GAS2: variants seen among roughly 807,000 people sequenced by gnomAD.
GAS2 encodes the protein growth arrest specific 2, also known as growth arrest-specific protein 2.
GAS2 carries 20 observed loss-of-function variants against 37.5 expected under a neutral mutation model. That is an observed-to-expected ratio of 0.53 (90% confidence interval 0.37 to 0.77). GAS2 has a LOEUF of 0.77. Among genes scored for constraint, GAS2 ranks in the 30% least tolerant of loss-of-function variants. The pLI is 0.00. For synonymous variants in GAS2, 144 were observed against 132.2 expected, an observed-to-expected ratio of 1.09 and a Z score of -0.61; for missense variants, 336 against 373.4, an observed-to-expected ratio of 0.90 and a Z score of 0.82.
chr11:22,686,846 A>T (rs1849985526), intron 3 of GAS2, among the ~76,000 whole-genome samples: 1 of 152,154 alleles, frequency 6.6e-6, no homozygotes, highest in Non-Finnish European at 1.5e-5. Flanking sequence ...AAAGGGGTGT[A>T]TGTGTGTATT....
chr11:22,646,780 C>G (rs945772269), intron 1 of GAS2, among the ~76,000 whole-genome samples: 1 of 152,116 alleles, frequency 6.6e-6, no homozygotes, highest in Admixed American at 6.5e-5. Context: ...GTGGTATTGA[C>G]ACACAGCTTG....
chr11:22,753,385 G>A (rs116266024), intron 6 of GAS2, among the ~76,000 whole-genome samples: 2,104 of 152,214 alleles, frequency 0.014, 56 homozygotes, highest in African/African-American at 0.048. Flanking sequence ...AAAGGCATTT[G>A]AGAAGGGCAG....
intron 7 of GAS2, among the ~76,000 whole-genome samples, chr11:22,781,274 T>TG (rs35511637): frequency 5.3e-5 from 8 of 152,100 alleles, no homozygotes; most frequent in African/African-American, 1.4e-4. Context: ...GAGGTGGGGA[T>TG]GGGGGGTCTC....
rs192514842 is a variant in GAS2 at position 22,733,911 on chromosome 11, C to A, written c.410-3794C>A. ...GCTACAGCAATCCTCTCTTCTACCC[C>A]AACTCAAAGCAAAAGACCTTGTTAA... On this transcript the variant is annotated intron_variant, in intron 4 of 7. Transcript: ENST00000454584. Among the ~76,000 whole-genome samples, 4 of 151,810 alleles carry A rather than the reference C, an allele frequency of 2.6e-5. No homozygotes were observed. The East Asian group carries it at 7.7e-4, about 29-fold the overall frequency.
rs570545537 is a variant in GAS2 at position 22,632,846 on chromosome 11, GT to G, written c.-21+7035del. Among the ~76,000 whole-genome samples the G allele has an allele frequency of 3.3e-5, 5 of 150,720 alleles. No individual in the cohort carries two copies. The South Asian group carries it at 1.0e-3, about 32-fold the overall frequency. ...TTTATTCCACATGGTCTAGTCTAAT[GT>G]TAAAACTTTTCCCTGCATTTCGTAA... On this transcript the variant is annotated intron_variant, in intron 1 of 5. Coordinates refer to the GAS2 transcript ENST00000528582.
At chr11:22,636,841 TAA>T (rs1858828600) in intron 1 of GAS2, among the ~76,000 whole-genome samples, 1 of 148,502 alleles carries the variant, frequency 6.7e-6, no homozygotes, top group African/African-American at 2.5e-5. Context: ...ATATGTCTAG[TAA>T]GTATATACAA....
chr11:22,797,573 T>C (rs1439736276), intron 7 of GAS2, among the ~76,000 whole-genome samples: 5 of 152,112 alleles, frequency 3.3e-5, no homozygotes, highest in African/African-American at 1.2e-4. Flanking sequence ...CAACTGGGCA[T>C]CAGAAGACTA....
chr11:22,693,932 T>C (rs1308540490), intron 3 of GAS2, among the ~76,000 whole-genome samples: 2 of 152,188 alleles, frequency 1.3e-5, no homozygotes, highest in African/African-American at 4.8e-5. Flanking sequence ...AAATACTGCA[T>C]GTTCTCACTT....
At chr11:22,695,791 A>G (rs1029513579) in intron 3 of GAS2, among the ~76,000 whole-genome samples, 3 of 152,198 alleles carry the variant, frequency 2.0e-5, no homozygotes, top group Non-Finnish European at 4.4e-5. Context: ...AAAAATTTCA[A>G]AATTTGTAAT....
intron 4 of GAS2, among the ~76,000 whole-genome samples, chr11:22,729,135 T>C (rs933538927): frequency 6.6e-6 from 1 of 151,748 alleles, no homozygotes; most frequent in African/African-American, 2.4e-5. Context: ...GAAAAGATGC[T>C]CTGATGAACG....
At chr11:22,636,644 T>C (rs1266648012) in intron 1 of GAS2, among the ~76,000 whole-genome samples, 1 of 152,056 alleles carries the variant, frequency 6.6e-6, no homozygotes, top group Non-Finnish European at 1.5e-5. Flanking sequence ...GAAATATCCA[T>C]ATGAATTAAT....
At chr11:22,803,125 G>A (rs1856738780) in intron 7 of GAS2, among the ~76,000 whole-genome samples, 1 of 152,040 alleles carries the variant, frequency 6.6e-6, no homozygotes, top group Non-Finnish European at 1.5e-5. Context: ...GATGCTACTG[G>A]TCAAGAGCCG....
intron 3 of GAS2, among the ~76,000 whole-genome samples, chr11:22,692,244 C>T (rs1177405784): frequency 6.6e-6 from 1 of 152,126 alleles, no homozygotes; most frequent in Non-Finnish European, 1.5e-5. Flanking sequence ...TCTAGATCTT[C>T]ATGTCTAATT....
intron 7 of GAS2, among the ~76,000 whole-genome samples, chr11:22,778,199 T>C (rs1421386844): frequency 6.6e-6 from 1 of 152,240 alleles, no homozygotes; most frequent in Non-Finnish European, 1.5e-5. Context: ...CTATATAACC[T>C]TGATCAAGTT....
chr11:22,683,212 T>G (rs1036321014), intron 2 of GAS2, among the ~76,000 whole-genome samples: 2 of 152,114 alleles, frequency 1.3e-5, no homozygotes, highest in Non-Finnish European at 2.9e-5. Context: ...TCCAAATATA[T>G]TAGATATTCT....
intron 5 of GAS2, 73 bp from the exon 6 acceptor site, chr11:22,749,047 T>A: frequency 7.3e-7 from 1 of 1,370,586 alleles, no homozygotes; most frequent in African/African-American, 1.5e-5. Context: ...ATGGTGCTCA[T>A]CATCACATGT....
At chr11:22,755,695 T>G (rs746177851) in intron 6 of GAS2, 151 bp from the exon 7 acceptor site, 1 of 572,392 alleles carries the variant, frequency 1.7e-6, no homozygotes, top group Non-Finnish European at 3.1e-6. Flanking sequence ...TGGTTATGAT[T>G]TAATGTGATA....
rs1403110858 is a variant in GAS2 at position 22,669,602 on chromosome 11, T to C, written c.-21+2703T>C. Among the ~76,000 whole-genome samples, 4 of 152,186 alleles carry C rather than the reference T, an allele frequency of 2.6e-5. No homozygotes were observed. In the East Asian group the frequency reaches 7.7e-4, roughly 29 times the overall value. ...GGATCACAAGAGCTGAGTAGGATAC[T>C]TTTAATAATTATGACTAAACAGTCT... is the stretch of plus-strand genomic sequence containing the variant. On this transcript the variant is annotated intron_variant, in intron 1 of 7. Coordinates refer to ENST00000454584, the MANE Select transcript of GAS2 (RefSeq NM_001143830.3).
upstream of GAS2, among the ~76,000 whole-genome samples, chr11:22,664,535 T>A (rs1565071720): frequency 3.3e-5 from 5 of 152,160 alleles, no homozygotes; most frequent in South Asian, 8.3e-4. Flanking sequence ...TTCTTTTTAA[T>A]GGTGTTAAGT....
Sources: gnomAD v4.1 joint callset for allele counts (sites outside exome capture counted in the v4.1 genomes callset) on GRCh38, gnomAD v4.1.1 for gene constraint, MANE v1.5 for transcripts, NCBI Gene and HGNC (gene_info 2026-07-23, HGNC 2026-07-21) for gene names.